Variants in SORCS1 observed in about 807,000 individuals in gnomAD.
SORCS1 encodes the protein sortilin related VPS10 domain containing receptor 1, also known as VPS10 domain-containing receptor SorCS1.
A neutral mutation model predicts 146.1 loss-of-function variants in SORCS1; 60 were observed. That is an observed-to-expected ratio of 0.41 (90% CI 0.33 to 0.51). The LOEUF (loss-of-function observed/expected upper bound fraction) is 0.51. Among genes scored for constraint, SORCS1 ranks in the 20% least tolerant of loss-of-function variants. The probability of loss-of-function intolerance (pLI) is 0.21; values close to 1 mark genes in which losing one functional copy is unlikely to be tolerated. For synonymous variants in SORCS1, 637 were observed against 584.0 expected (o/e 1.09, Z -1.31); for missense variants, 1,352 against 1,487.6 (o/e 0.91, Z 1.50).
At chr10:106,647,352 A>G (rs1849524166) in intron 18 of SORCS1, among the ~76,000 whole-genome samples, 1 of 149,394 alleles carries the variant, frequency 6.7e-6, no homozygotes, top group Non-Finnish European at 1.5e-5. Context: ...AGATTTGAGT[A>G]TAAATGTTTG....
chr10:106,678,809 C>A (rs946948903), intron 12 of SORCS1, among the ~76,000 whole-genome samples: 3 of 152,150 alleles, frequency 2.0e-5, no homozygotes, highest in Non-Finnish European at 4.4e-5. Flanking sequence ...TCTCAGAACA[C>A]CACCTGGGTA....
At chr10:106,869,597 G>A (rs1000638239) in intron 2 of SORCS1, among the ~76,000 whole-genome samples, 3 of 152,054 alleles carry the variant, frequency 2.0e-5, no homozygotes, top group Non-Finnish European at 2.9e-5. Context: ...AAAACCACAG[G>A]ATTATCTCAA....
At chr10:106,850,987 T>A (rs1049033619) in intron 2 of SORCS1, among the ~76,000 whole-genome samples, 1 of 152,180 alleles carries the variant, frequency 6.6e-6, no homozygotes, top group African/African-American at 2.4e-5. Flanking sequence ...ATCTCTCACA[T>A]GCAATCCAAC....
chr10:106,963,946 G>A (rs984518690), intron 1 of SORCS1, among the ~76,000 whole-genome samples: 5 of 152,218 alleles, frequency 3.3e-5, no homozygotes, highest in Non-Finnish European at 5.9e-5. Flanking sequence ...AAGCAGGAGG[G>A]AAGTGTTTCT....
chr10:107,119,718 T>C (rs1431509799), intron 1 of SORCS1, among the ~76,000 whole-genome samples: 1 of 152,188 alleles, frequency 6.6e-6, no homozygotes. Context: ...GTCCATGTCA[T>C]GGAGCTAAGA....
intron 2 of SORCS1, among the ~76,000 whole-genome samples, chr10:106,927,999 G>A (rs1953156666): frequency 6.6e-6 from 1 of 152,240 alleles, no homozygotes; most frequent in African/African-American, 2.4e-5. Flanking sequence ...TAGACATAAA[G>A]GTTCTGCAAG....
At chr10:106,918,224 G>A (rs972727605) in intron 2 of SORCS1, among the ~76,000 whole-genome samples, 5 of 152,070 alleles carry the variant, frequency 3.3e-5, no homozygotes, top group African/African-American at 9.7e-5. Context: ...GCAGTGGTGC[G>A]ATTTCAGCTC....
At chr10:106,725,135 A>T (rs548306671) in intron 6 of SORCS1, among the ~76,000 whole-genome samples, 1 of 151,824 alleles carries the variant, frequency 6.6e-6, no homozygotes, top group South Asian at 2.1e-4. Flanking sequence ...GAGAGACTTC[A>T]TCTCAAAACA....
intron 1 of SORCS1, among the ~76,000 whole-genome samples, chr10:107,083,359 T>A (rs566788289): frequency 6.6e-6 from 1 of 152,276 alleles, no homozygotes; most frequent in South Asian, 2.1e-4. Context: ...TATTTCAAAT[T>A]AGACTTCTGG....
At chr10:107,171,514 C>CTCT in the SORCS1 span, among the ~76,000 whole-genome samples, 1 of 117,290 alleles carries the variant, frequency 8.5e-6, no homozygotes, top group East Asian at 2.5e-4. Flanking sequence ...GGGAATCCCC[C>CTCT]TTTTTTTTTT....
chr10:107,022,526 G>A (rs770907224), intron 1 of SORCS1, among the ~76,000 whole-genome samples: 2 of 151,896 alleles, frequency 1.3e-5, no homozygotes, highest in African/African-American at 2.4e-5. Flanking sequence ...TGGACTCAAG[G>A]AGTTCACAAA....
chr10:106,751,015 T>C (rs1320117426), intron 5 of SORCS1, among the ~76,000 whole-genome samples: 1 of 114,706 alleles, frequency 8.7e-6, no homozygotes, highest in Non-Finnish European at 1.6e-5. Context: ...GCCGAGATAG[T>C]GCCACTGCAC....
At chr10:106,601,855 T>C (rs1179748180) in intron 23 of SORCS1, among the ~76,000 whole-genome samples, 2 of 152,178 alleles carry the variant, frequency 1.3e-5, no homozygotes, top group African/African-American at 4.8e-5. Context: ...GTGGCACATA[T>C]CACTTCTGCT....
intron 2 of SORCS1, among the ~76,000 whole-genome samples, chr10:106,902,723 C>T (rs536348251): frequency 3.3e-5 from 5 of 152,330 alleles, no homozygotes; most frequent in African/African-American, 1.2e-4. Flanking sequence ...CATGAATTTG[C>T]TATACTTAGG....
At chr10:106,640,135 TG>T (rs1038905714) in intron 18 of SORCS1, among the ~76,000 whole-genome samples, 6 of 152,202 alleles carry the variant, frequency 3.9e-5, no homozygotes, top group Non-Finnish European at 8.8e-5. Context: ...CAGGTCAAAT[TG>T]TGTCATGAAT....
At chr10:107,174,052 T>C in the SORCS1 span, among the ~76,000 whole-genome samples, 2 of 152,218 alleles carry the variant, frequency 1.3e-5, no homozygotes, top group Non-Finnish European at 2.9e-5. Flanking sequence ...AGGATTGCAT[T>C]GTATGTATAG....
intron 1 of SORCS1, among the ~76,000 whole-genome samples, chr10:107,085,381 A>T (rs1377616689): frequency 6.6e-6 from 1 of 152,228 alleles, no homozygotes; most frequent in Non-Finnish European, 1.5e-5. Flanking sequence ...GTGACTCATC[A>T]TTAAGACTGA....
At chr10:106,728,167 G>C (rs1431037403) in intron 6 of SORCS1, among the ~76,000 whole-genome samples, 1 of 152,084 alleles carries the variant, frequency 6.6e-6, no homozygotes, top group African/African-American at 2.4e-5. Context: ...AAGTCGCTGG[G>C]ACAACAGGCA....
In SORCS1 at chr10:106,829,729, G is replaced by A. The variant is rs965946881; in HGVS notation, c.627-56C>T. On this transcript the variant is annotated intron_variant, in intron 2 of 25. Coordinates refer to ENST00000263054, the MANE Select transcript of SORCS1 (RefSeq NM_052918.5). ...AGAAGTATATGTCATTTGGCTGCTT[G>A]TCAGTATAATGCATGCTTTACACAG... 3.7e-6 allele frequency: 5 copies of A among 1,358,700 alleles called. No homozygotes were observed. The East Asian group carries it at 9.3e-5, about 25-fold the overall frequency. The allele number at this position is 1,358,700 out of a possible 1,614,324, so 84.2% of individuals were successfully genotyped here.
Sources: allele counts gnomAD v4.1 joint callset (sites outside exome capture counted in the v4.1 genomes callset), GRCh38; gene constraint gnomAD v4.1.1; transcripts MANE v1.5; gene names NCBI Gene and HGNC (gene_info 2026-07-23, HGNC 2026-07-21).